The following MLKL variants were observed in gnomAD, a reference collection of about 807,000 sequenced individuals.
The protein encoded by MLKL is mixed lineage kinase domain-like protein.
MLKL carries 55 observed loss-of-function variants against 56.5 expected under a neutral mutation model. That is an observed-to-expected ratio of 0.97 (90% confidence interval 0.78 to 1.22). The LOEUF is 1.22. Among genes scored for constraint, MLKL ranks in the 50% most tolerant of loss-of-function variants. The probability of loss-of-function intolerance (pLI) is 0.00; values close to 1 mark genes in which losing one functional copy is unlikely to be tolerated. For synonymous variants in MLKL, 251 were observed against 208.3 expected (o/e 1.20, Z -1.76); for missense variants, 694 against 573.9 (o/e 1.21, Z -2.14).
intron 1 of MLKL, among the ~76,000 whole-genome samples, chr16:74,698,141 G>C (rs1457672035): frequency 6.6e-6 from 1 of 152,160 alleles, no homozygotes; most frequent in East Asian, 1.9e-4. Flanking sequence ...GGAGGTCGAG[G>C]CTGCAGTGAG....
At chr16:74,696,851 G>A (rs1961071230) in intron 1 of MLKL, among the ~76,000 whole-genome samples, 1 of 149,666 alleles carries the variant, frequency 6.7e-6, no homozygotes, top group African/African-American at 2.4e-5. Flanking sequence ...CCAGCTACTC[G>A]GAGGGCTAAG....
intron 10 of MLKL, among the ~76,000 whole-genome samples, chr16:74,674,324 T>G (rs558494888): frequency 3.1e-4 from 47 of 151,144 alleles, no homozygotes; most frequent in African/African-American, 1.1e-3. Flanking sequence ...GGCTAATTTT[T>G]GGGTTTTTAA....
chr16:74,695,800 C>G lies in MLKL; in HGVS notation c.-2-41G>C, dbSNP rs760302496. 45 of 1,506,462 alleles carry G rather than the reference C, an allele frequency of 3.0e-5. No homozygotes were observed. In the South Asian group the frequency reaches 5.4e-4, roughly 18 times the overall value. The allele number at this position is 1,506,462 out of a possible 1,614,324, so 93.3% of individuals were successfully genotyped here. A position where few individuals can be genotyped will look rare whatever the true frequency, so the allele number is the denominator to read the frequency against. ...GGAATTTGGTGAAATCCCCAAATCT[C>G]CTGCATATTCACTACTTGGCTAAGA... On this transcript the variant is annotated intron_variant, in intron 1 of 10. Transcript: ENST00000308807.
intron 7 of MLKL, 30 bp downstream of exon 7, chr16:74,678,869 A>G: frequency 6.3e-7 from 1 of 1,583,746 alleles, no homozygotes; most frequent in Non-Finnish European, 8.7e-7. Context: ...TGCAGGTTTG[A>G]CCCAAAGCGC....
chr16:74,695,801 C>A, intron 1 of MLKL, 42 bp from the exon 2 acceptor site: 3 of 1,503,226 alleles, frequency 2.0e-6, no homozygotes, highest in Non-Finnish European at 2.7e-6. Context: ...CCCAAATCTC[C>A]TGCATATTCA....
intron 5 of MLKL, among the ~76,000 whole-genome samples, chr16:74,683,489 G>C (rs956850603): frequency 6.6e-6 from 1 of 151,174 alleles, no homozygotes; most frequent in Non-Finnish European, 1.5e-5. Context: ...CCAGCTATTA[G>C]GGAGGCTGAG....
chr16:74,682,930 T>C (rs1180531837), intron 5 of MLKL, 144 bp from the exon 6 acceptor site: 23 of 964,236 alleles, frequency 2.4e-5, no homozygotes, highest in Middle Eastern at 2.2e-4. Context: ...CCCACAGTTT[T>C]GGTCCCCGGC....
intron 2 of MLKL, 119 bp from the exon 3 acceptor site, chr16:74,692,535 G>A: frequency 2.5e-5 from 19 of 761,622 alleles, no homozygotes; most frequent in Non-Finnish European, 3.8e-5. Flanking sequence ...ATTCATTATG[G>A]TAGGGATTAC....
chr16:74,687,476 T>A (rs1372535039), intron 4 of MLKL, among the ~76,000 whole-genome samples: 1 of 151,358 alleles, frequency 6.6e-6, no homozygotes, highest in Non-Finnish European at 1.5e-5. Context: ...TGTGTGGAAA[T>A]GAAAGGAATT....
intron 6 of MLKL, 65 bp downstream of exon 6, chr16:74,682,586 T>A (rs1241308714): frequency 2.2e-5 from 35 of 1,589,434 alleles, no homozygotes; most frequent in Non-Finnish European, 2.6e-6. Context: ...TCACCATCTC[T>A]GGGAGTATCA....
At chr16:74,681,748 C>A (rs1339463770) in intron 6 of MLKL, among the ~76,000 whole-genome samples, 2 of 151,224 alleles carry the variant, frequency 1.3e-5, no homozygotes, top group East Asian at 3.9e-4. Flanking sequence ...GAGCCGAGAT[C>A]GTGCCACTGC....
intron 10 of MLKL, 37 bp downstream of exon 10, chr16:74,674,923 A>C (rs761097513): frequency 1.3e-6 from 2 of 1,588,430 alleles, no homozygotes; most frequent in East Asian, 2.2e-5. Context: ...TGAAATAATG[A>C]TGGGGCTCAC....
In MLKL at chr16:74,682,716, C is replaced by G. The variant is rs770254333; in HGVS notation, c.891G>C (p.Arg297Ser). The G allele has an allele frequency of 8.1e-6, 13 of 1,613,976 alleles. No individual in the cohort carries two copies. The highest frequency in any genetic ancestry group is 1.6e-4 in the Middle Eastern group (1 of 6,084). The change falls in exon 6 of 11, where the codon AGG becomes AGC. Residue 297 changes from arginine (R) to serine (S), a missense_variant. Arg to Ser is a moderately radical substitution (Grantham distance 110, BLOSUM62 -1). Transcript: ENST00000308807. ...GCTTGCCAAGTGTGAGGTCTTTTTC[C>G]CTATCCAACAGCTCCCTCAGGGTCC... ...ELGTLRELLD[R>S]EKDLTLGKRM... is the part of the protein sequence containing the mutation.
chr16:74,694,652 A>T (rs1003470340), intron 2 of MLKL, among the ~76,000 whole-genome samples: 3 of 152,022 alleles, frequency 2.0e-5, no homozygotes, highest in African/African-American at 7.2e-5. Context: ...CACCTATAGT[A>T]CCAGCCACTC....
chr16:74,684,201 G>A (rs1478941392), intron 5 of MLKL, among the ~76,000 whole-genome samples: 1 of 151,834 alleles, frequency 6.6e-6, no homozygotes, highest in Admixed American at 6.6e-5. Context: ...ACCTACCTTG[G>A]CCTCCCAAAG....
At chr16:74,691,222 T>G (rs1346322176) in intron 4 of MLKL, 55 bp downstream of exon 4, 5 of 1,489,618 alleles carry the variant, frequency 3.4e-6, no homozygotes, top group Non-Finnish European at 4.5e-6. Context: ...CCTCTCTCCT[T>G]GGAGAGTTAG....
At chr16:74,688,262 G>A (rs1304492552) in intron 4 of MLKL, among the ~76,000 whole-genome samples, 1 of 152,156 alleles carries the variant, frequency 6.6e-6, no homozygotes, top group Non-Finnish European at 1.5e-5. Flanking sequence ...GAGCTGCAGT[G>A]CCAGGCCAGC....
Position 74,685,529 on chromosome 16 carries a change from A to C in MLKL, c.777T>G (p.Ser259=). The C allele has an allele frequency of 6.2e-7, 1 of 1,614,094 alleles. No individual in the cohort carries two copies. The highest frequency in any genetic ancestry group is 8.5e-7 in the Non-Finnish European group (1 of 1,179,982). The change falls in exon 5 of 11, where the codon TCT becomes TCG. Residue 259 remains serine (S), a synonymous_variant. Coordinates refer to ENST00000308807, the MANE Select transcript of MLKL (RefSeq NM_152649.4). ...KEIKTMKKFE[S]PNILRIFGIC... The stretch of plus-strand genomic sequence containing the variant: ...TCCCAAATATACGCAGGATGTTGGG[A>C]GATTCGAATTTCTTCATGGTTTTGA...
Position 74,679,537 on chromosome 16 carries a change from G to T in MLKL, c.957-557C>A, listed in dbSNP as rs961262121. Among the ~76,000 whole-genome samples the T allele has an allele frequency of 3.3e-5, 5 of 152,212 alleles. No homozygotes were observed. In the East Asian group the frequency reaches 5.8e-4, roughly 18 times the overall value. ...GAAGGTGCTCCCTTGACCAGGCATG[G>T]TGGCTTGCGCTTATAATCCCCACAC... On this transcript the variant is annotated intron_variant, in intron 6 of 10. Transcript: ENST00000308807.
Sources: allele counts gnomAD v4.1 joint callset (sites outside exome capture counted in the v4.1 genomes callset), GRCh38; gene constraint gnomAD v4.1.1; transcripts MANE v1.5; gene names NCBI Gene and HGNC (gene_info 2026-07-23, HGNC 2026-07-21).